The following NLRP13 variants were observed in gnomAD, a reference collection of about 807,000 sequenced individuals.
NLRP13 encodes the protein NACHT, LRR and PYD domains-containing protein 13.
In NLRP13, 82 loss-of-function variants were observed where a neutral mutation model predicts 94.4. The ratio of observed to expected loss-of-function variants is 0.87; its 90% CI spans 0.73 to 1.04. The LOEUF is 1.04. Among genes scored for constraint, NLRP13 ranks in the 50% least tolerant of loss-of-function variants. NLRP13 has a pLI of 0.00. For missense variants in NLRP13, 1,426 were observed against 1,230.8 expected, an observed-to-expected ratio of 1.16 and a Z score of -2.37; for synonymous variants, 553 against 464.7, an observed-to-expected ratio of 1.19 and a Z score of -2.45.
At chr19:55,913,945 T>C (rs1411739934) in intron 4 of NLRP13, among the ~76,000 whole-genome samples, 1 of 152,122 alleles carries the variant, frequency 6.6e-6, no homozygotes, top group East Asian at 1.9e-4. Context: ...CTCGAAACAC[T>C]TCAGAGCAAC....
At position 55,918,253 on chromosome 19, in the gene NLRP13, CAAA is replaced by C. The variant is rs34099048; in HGVS notation, c.524-4963_524-4961del. Among the ~76,000 whole-genome samples, 584 of 130,806 alleles carry C rather than the reference CAAA, an allele frequency of 4.5e-3. 20 individuals carry two copies. In the South Asian group the frequency reaches 0.085, roughly 19 times the overall value. 85.8% of individuals were successfully genotyped at this position (130,806 alleles called of 152,430 possible). On this transcript the variant is annotated intron_variant, in intron 4 of 10. Coordinates refer to ENST00000342929, the MANE Select transcript of NLRP13 (RefSeq NM_176810.2). ...ACATATCAAAACCTCTGTGATACAG[CAAA>C]AAAAAAAAAAAAGTTTATAGCATTA... is the stretch of plus-strand genomic sequence containing the variant.
At chr19:55,929,542 G>T (rs1047806661) in intron 1 of NLRP13, among the ~76,000 whole-genome samples, 1 of 152,114 alleles carries the variant, frequency 6.6e-6, no homozygotes, top group Non-Finnish European at 1.5e-5. Context: ...ACCAAACACC[G>T]CATGTTCTCA....
At chr19:55,919,546 T>A (rs1247770778) in intron 4 of NLRP13, among the ~76,000 whole-genome samples, 1 of 151,898 alleles carries the variant, frequency 6.6e-6, no homozygotes, top group Non-Finnish European at 1.5e-5. Flanking sequence ...TGTACAAATA[T>A]CAGTAGCCTT....
At chr19:55,915,469 G>A (rs921947262) in intron 4 of NLRP13, among the ~76,000 whole-genome samples, 6 of 152,040 alleles carry the variant, frequency 3.9e-5, no homozygotes, top group East Asian at 1.9e-4. Context: ...ATGGTGGCAC[G>A]CGCCTGTAAT....
In NLRP13 at chr19:55,898,217, T is replaced by TTG. The variant is rs1568685984; in HGVS notation, c.2957+552_2957+553insCA. ...GAGTTTTTGTTTTTGTTTTTGTTTT[T>TTG]TTTTTTTTTGAGATGGAGTTTCGCT... On this transcript the variant is annotated intron_variant, in intron 10 of 10. Coordinates refer to ENST00000342929, the MANE Select transcript of NLRP13 (RefSeq NM_176810.2). Among the ~76,000 whole-genome samples the TTG allele has an allele frequency of 5.9e-4, 88 of 149,540 alleles. 1 individual carries two copies. In the East Asian group the frequency reaches 9.8e-3, roughly 17 times the overall value.
Position 55,898,934 on chromosome 19 carries a change from C to G in NLRP13, c.2793G>C (p.Leu931Phe). The part of the protein sequence containing the change: ...RPDGNLQSLN[L>F]SGCSFTREGC... The stretch of plus-strand genomic sequence containing the variant: ...CCTCTCTTGTGAAAGAACAACCTGA[C>G]AAACTGCAAAATAAAAACATACAAA... The change falls in exon 10 of 11, where the codon TTG (leucine) becomes TTC (phenylalanine). Residue 931 changes from leucine (L) to phenylalanine (F), a missense_variant. Leu to Phe is a conservative substitution (Grantham distance 22, BLOSUM62 0). Coordinates refer to ENST00000342929, the MANE Select transcript of NLRP13 (RefSeq NM_176810.2). 1 of 1,606,500 alleles carries G rather than the reference C, an allele frequency of 6.2e-7. No homozygotes were observed. Among genetic ancestry groups the G allele is most frequent in the Non-Finnish European group, 8.5e-7 (1 of 1,177,460 alleles).
Position 55,913,159 on chromosome 19 carries a change from CCAGTAGGCGCTG to C in NLRP13, c.646_657del (p.Gln216_Leu219del). ...GCCTGGGCTCTAGTCCTATTAGGAT[CCAGTAGGCGCTG>C]CAGTTCCTCATGTTCGTCCTTTGAT... On this transcript the variant is annotated inframe_deletion, in exon 5 of 11. Coordinates refer to ENST00000342929, the MANE Select transcript of NLRP13 (RefSeq NM_176810.2). The C allele has an allele frequency of 6.2e-7, 1 of 1,614,138 alleles. No individual in the cohort carries two copies. Among genetic ancestry groups the C allele is most frequent in the Admixed American group, 1.7e-5 (1 of 60,024 alleles).
At chr19:55,924,031 G>C (rs757518657) in intron 3 of NLRP13, 52 bp from the exon 4 acceptor site, 10 of 1,424,628 alleles carry the variant, frequency 7.0e-6, no homozygotes, top group East Asian at 2.3e-5. Flanking sequence ...CTGAAAATGG[G>C]CCACAATGAT....
At chr19:55,901,464 G>C (rs956631525) in intron 9 of NLRP13, among the ~76,000 whole-genome samples, 3 of 152,150 alleles carry the variant, frequency 2.0e-5, no homozygotes, top group Non-Finnish European at 4.4e-5. Flanking sequence ...ATGAGCTGGA[G>C]AGCTAGTTTT....
chr19:55,930,975 A>T (rs1281157681), intron 1 of NLRP13, among the ~76,000 whole-genome samples: 1 of 150,288 alleles, frequency 6.7e-6, no homozygotes, highest in Non-Finnish European at 1.5e-5. Context: ...ACCACAATAA[A>T]CACTGCACGA....
rs571828268 is a variant in NLRP13 at position 55,905,035 on chromosome 19, C to G, written c.2525G>C (p.Arg842Pro). 1.2e-6 allele frequency: 2 copies of G among 1,613,692 alleles called. No individual in the cohort carries two copies. Among genetic ancestry groups the G allele is most frequent in the African/African-American group, 2.7e-5 (2 of 74,766 alleles). ...GAGCCGATTAAATCCCAGGCACAAT[C>G]GAGTTACGTGTTGGATGCTGGTGAG... ...LFLTSIQHVT[R>P]LCLGFNRLQD... Residue 842 changes from arginine to proline, a missense_variant, in exon 8 of 11, where the codon CGA (arginine) becomes CCA (proline). By Grantham distance (103) the Arg-to-Pro change is moderately radical. Coordinates refer to ENST00000342929, the MANE Select transcript of NLRP13 (RefSeq NM_176810.2).
chr19:55,923,048 A>T (rs59000797), intron 4 of NLRP13, among the ~76,000 whole-genome samples: 6,150 of 152,296 alleles, frequency 0.04, 388 homozygotes, highest in African/African-American at 0.14. Context: ...CTTCTTTGAT[A>T]AAACTAAACT....
chr19:55,918,520 A>G (rs1035525121), intron 4 of NLRP13, among the ~76,000 whole-genome samples: 1 of 152,082 alleles, frequency 6.6e-6, no homozygotes, highest in Admixed American at 6.6e-5. Context: ...ATTCAAACAA[A>G]CAATCAGAAA....
intron 1 of NLRP13, among the ~76,000 whole-genome samples, chr19:55,929,036 G>A (rs1016359278): frequency 2.4e-4 from 36 of 152,226 alleles, no homozygotes; most frequent in Admixed American, 1.0e-3. Context: ...AAAGCTCATC[G>A]TCACTGGTTA....
intron 3 of NLRP13, 152 bp downstream of exon 3, chr19:55,924,438 A>G: frequency 1.6e-6 from 1 of 636,748 alleles, no homozygotes; most frequent in Non-Finnish European, 2.8e-6. Flanking sequence ...TTATTATTTA[A>G]TAAGAAATAC....
chr19:55,892,287 C>T (rs1985872587), downstream of NLRP13, among the ~76,000 whole-genome samples: 1 of 152,100 alleles, frequency 6.6e-6, no homozygotes, highest in African/African-American at 2.4e-5. Flanking sequence ...GAGTATAGCA[C>T]CTGAAAGTAC....
intron 6 of NLRP13, 150 bp from the exon 7 acceptor site, chr19:55,908,106 A>G (rs976568042): frequency 1.6e-6 from 1 of 629,148 alleles, no homozygotes; most frequent in Non-Finnish European, 2.6e-6. Flanking sequence ...GAGCCATGGT[A>G]CTGGACCTTG....
intron 4 of NLRP13, among the ~76,000 whole-genome samples, chr19:55,916,652 A>C (rs1447450015): frequency 6.6e-6 from 1 of 152,210 alleles, no homozygotes; most frequent in East Asian, 1.9e-4. Context: ...CTTTTGAATT[A>C]ATTTAGTCTG....
At chr19:55,924,877 G>T in intron 2 of NLRP13, 90 bp downstream of exon 2, 1 of 1,161,328 alleles carries the variant, frequency 8.6e-7, no homozygotes, top group South Asian at 1.3e-5. Context: ...ATAAATTCAA[G>T]AAATTTCAGA....
Sources: allele counts gnomAD v4.1 joint callset (sites outside exome capture counted in the v4.1 genomes callset), GRCh38; gene constraint gnomAD v4.1.1; transcripts MANE v1.5; gene names NCBI Gene and HGNC (gene_info 2026-07-23, HGNC 2026-07-21).